UBAP1: variants seen among roughly 807,000 people sequenced by gnomAD.
UBAP1 encodes ubiquitin associated protein 1, also known as ubiquitin-associated protein 1.
UBAP1 carries 5 observed loss-of-function variants against 39.0 expected under a neutral mutation model. The ratio of observed to expected loss-of-function variants is 0.13; its 90% CI spans 0.07 to 0.27. The LOEUF (loss-of-function observed/expected upper bound fraction) is 0.27, where lower values mean the gene tolerates loss of function less well. Ranked by LOEUF, UBAP1 falls within the 10% of genes least tolerant of loss-of-function variation. UBAP1 has a pLI of 1.00. For missense variants in UBAP1, 490 were observed against 608.1 expected, an observed-to-expected ratio of 0.81 and a Z score of 2.04; for synonymous variants, 211 against 225.1, an observed-to-expected ratio of 0.94 and a Z score of 0.56.
chr9:34,213,895 A>C (rs560881481), intron 1 of UBAP1, among the ~76,000 whole-genome samples: 1 of 151,070 alleles, frequency 6.6e-6, no homozygotes, highest in South Asian at 2.1e-4. Flanking sequence ...GCAGAGAATC[A>C]AATAAAAAAC....
intron 1 of UBAP1, among the ~76,000 whole-genome samples, chr9:34,188,474 C>G (rs1339108689): frequency 6.9e-6 from 1 of 145,956 alleles, no homozygotes; most frequent in Non-Finnish European, 1.5e-5. Flanking sequence ...GCCCTGGTAC[C>G]CAGGTTGGTC....
chr9:34,196,724 C>G (rs527944897), intron 1 of UBAP1, among the ~76,000 whole-genome samples: 1 of 151,976 alleles, frequency 6.6e-6, no homozygotes, highest in Non-Finnish European at 1.5e-5. Flanking sequence ...GGATTACAAG[C>G]GTGAGCCACC....
At chr9:34,228,417 C>CAAAAAA (rs1182740329) in intron 2 of UBAP1, among the ~76,000 whole-genome samples, 5 of 56,112 alleles carry the variant, frequency 8.9e-5, no homozygotes, top group East Asian at 4.1e-4. Context: ...GACTTCATCT[C>CAAAAAA]AAAAAAAAAA....
At chr9:34,211,439 T>G (rs1301042048) in intron 1 of UBAP1, among the ~76,000 whole-genome samples, 1 of 152,202 alleles carries the variant, frequency 6.6e-6, no homozygotes, top group Non-Finnish European at 1.5e-5. Flanking sequence ...AATTTGTATC[T>G]TGGGAAATTA....
intron 1 of UBAP1, among the ~76,000 whole-genome samples, chr9:34,208,160 C>G (rs1007078160): frequency 6.6e-5 from 10 of 151,600 alleles, no homozygotes; most frequent in African/African-American, 2.4e-4. Flanking sequence ...TGTATTTATG[C>G]AAAAAATCTC....
At chr9:34,224,750 T>C in intron 2 of UBAP1, 1 of 220,682 alleles carries the variant, frequency 4.5e-6, no homozygotes, top group African/African-American at 2.3e-5. Context: ...TAATAGGCAA[T>C]TGTGCAGGCA....
At chr9:34,208,799 C>CTGGGTG (rs1831860953) in intron 1 of UBAP1, among the ~76,000 whole-genome samples, 1 of 145,848 alleles carries the variant, frequency 6.9e-6, no homozygotes, top group African/African-American at 2.5e-5. Context: ...AAAAAATTAG[C>CTGGGTG]TGGGTGTGGT....
intron 6 of UBAP1, 72 bp from the exon 7 acceptor site, chr9:34,251,320 C>A: frequency 6.5e-7 from 1 of 1,530,516 alleles, no homozygotes. Flanking sequence ...CCGTCCCACA[C>A]ACACACTCCT....
rs146016170 is a variant in UBAP1, at chr9:34,215,752, TAC to T, written c.-7-5140_-7-5139del. Among the ~76,000 whole-genome samples the T allele has an allele frequency of 3.8e-3, 566 of 150,142 alleles. 2 individuals are homozygous for T. Among genetic ancestry groups the T allele is most frequent in the Admixed American group, 5.5e-3 (82 of 15,030 alleles). On this transcript the variant is annotated intron_variant, in intron 1 of 6. Coordinates refer to ENST00000297661, the MANE Select transcript of UBAP1 (RefSeq NM_016525.5). ...TGAAACGTGTGTACATATATATATGTACACACACACACACACATACATGTATG... is the reference window on the plus strand; with the variant it reads ...TGAAACGTGTGTACATATATATATGTACACACACACACACATACATGTATG...
intron 1 of UBAP1, among the ~76,000 whole-genome samples, chr9:34,189,261 T>C (rs1049849183): frequency 6.6e-6 from 1 of 151,682 alleles, no homozygotes; most frequent in African/African-American, 2.4e-5. Flanking sequence ...CGATCTTGAC[T>C]CATTGCAACC....
Position 34,251,772 on chromosome 9 carries a change from C to A in UBAP1, c.*240C>A. On this transcript the variant is annotated 3_prime_UTR_variant, in exon 7 of 7. Transcript: ENST00000297661. ...GCTCCTTCCGTATTAAACGCATTTGCATTTTGAGAAGTGTCCTTCCCACTT... is the reference window on the plus strand; with the variant it reads ...GCTCCTTCCGTATTAAACGCATTTGAATTTTGAGAAGTGTCCTTCCCACTT... 1 of 453,354 alleles carries A rather than the reference C, an allele frequency of 2.2e-6. No individual in the cohort carries two copies. Among genetic ancestry groups the A allele is most frequent in the Non-Finnish European group, 4.0e-6 (1 of 251,230 alleles). The allele number at this position is 453,354 out of a possible 1,614,324, so 28.1% of individuals were successfully genotyped here.
At chr9:34,211,840 T>C (rs1030036461) in intron 1 of UBAP1, 1 of 183,084 alleles carries the variant, frequency 5.5e-6, no homozygotes, top group Non-Finnish European at 1.2e-5. Context: ...ATTTATTCTT[T>C]GTTCTTTTTT....
At position 34,241,915 on chromosome 9, in the gene UBAP1, C is replaced by T. The variant is rs757413846; in HGVS notation, c.890C>T (p.Thr297Met). The part of the protein sequence containing the change: ...FHSTSCLRNG[T>M]FQNSLKPSTQ... ...AGCACATCCTGCCTCCGCAATGGCA[C>T]GTTCCAGAATTCCCTAAAGCCTTCC... is the stretch of plus-strand genomic sequence containing the variant. The change falls in exon 4 of 7, where the codon ACG becomes ATG. Residue 297 changes from threonine to methionine, a missense_variant. Coordinates refer to ENST00000297661, the MANE Select transcript of UBAP1 (RefSeq NM_016525.5). The T allele has an allele frequency of 5.0e-6, 8 of 1,614,188 alleles. No individual in the cohort carries two copies. Among genetic ancestry groups the T allele is most frequent in the Admixed American group, 3.3e-5 (2 of 60,030 alleles).
chr9:34,183,971 T>G (rs1830235155), intron 1 of UBAP1, among the ~76,000 whole-genome samples: 1 of 152,002 alleles, frequency 6.6e-6, no homozygotes, highest in African/African-American at 2.4e-5. Flanking sequence ...GGTTTCTCCA[T>G]GTTGGTCAGG....
intron 4 of UBAP1, among the ~76,000 whole-genome samples, chr9:34,249,519 A>G (rs550686145): frequency 6.6e-6 from 1 of 152,212 alleles, no homozygotes; most frequent in East Asian, 1.9e-4. Context: ...TTTCTCAATC[A>G]CCAAAGTGGG....
chr9:34,242,335 A>G (rs569542633), intron 4 of UBAP1, among the ~76,000 whole-genome samples: 4 of 152,112 alleles, frequency 2.6e-5, no homozygotes, highest in South Asian at 2.1e-4. Context: ...TTTTGTAGAG[A>G]TGCGGTTTTG....
At chr9:34,204,026 T>TA (rs774590754) in intron 1 of UBAP1, among the ~76,000 whole-genome samples, 2 of 152,182 alleles carry the variant, frequency 1.3e-5, no homozygotes, top group South Asian at 2.1e-4. Flanking sequence ...TTTTTTGTTT[T>TA]AAAATTAACC....
At chr9:34,229,782 T>G (rs1004619327) in intron 2 of UBAP1, among the ~76,000 whole-genome samples, 6 of 151,308 alleles carry the variant, frequency 4.0e-5, no homozygotes, top group African/African-American at 1.5e-4. Context: ...CATGATCTGC[T>G]TGCCTCGGCC....
chr9:34,214,174 A>G (rs939002886), intron 1 of UBAP1, among the ~76,000 whole-genome samples: 5 of 152,240 alleles, frequency 3.3e-5, no homozygotes, highest in Non-Finnish European at 4.4e-5. Flanking sequence ...CAACATTTCT[A>G]AAATTCATAT....
Sources: allele counts gnomAD v4.1 joint callset (sites outside exome capture counted in the v4.1 genomes callset), GRCh38; gene constraint gnomAD v4.1.1; transcripts MANE v1.5; gene names NCBI Gene and HGNC (gene_info 2026-07-23, HGNC 2026-07-21).